DGKB: variants seen among roughly 807,000 people sequenced by gnomAD.
The protein encoded by DGKB is 90 kDa diacylglycerol kinase.
Under a neutral mutation model 114.3 loss-of-function variants are expected in DGKB, and 67 were observed. The ratio of observed to expected loss-of-function variants is 0.59; its 90% CI spans 0.48 to 0.72. DGKB has a LOEUF of 0.72. Ranked by LOEUF, DGKB falls within the 30% of genes least tolerant of loss-of-function variation. The probability of loss-of-function intolerance (pLI) is 0.00; values close to 1 mark genes in which losing one functional copy is unlikely to be tolerated. For synonymous variants in DGKB, 398 were observed against 323.1 expected (o/e 1.23, Z -2.49); for missense variants, 907 against 975.2 (o/e 0.93, Z 0.93).
intron 23 of DGKB, among the ~76,000 whole-genome samples, chr7:14,238,223 AC>A (rs1461097231): frequency 3.9e-5 from 6 of 152,010 alleles, no homozygotes; most frequent in African/African-American, 1.4e-4. Context: ...TGATTGGATC[AC>A]GGGGAGGATT....
At chr7:14,379,408 T>G (rs185087090) in intron 21 of DGKB, among the ~76,000 whole-genome samples, 122 of 151,484 alleles carry the variant, frequency 8.1e-4, no homozygotes, top group Non-Finnish European at 1.2e-3. Context: ...AGTTTTTTTT[T>G]TTTTTTTTTT....
chr7:14,187,120 T>C (rs1404528657), intron 23 of DGKB, among the ~76,000 whole-genome samples: 2 of 152,212 alleles, frequency 1.3e-5, no homozygotes, highest in Non-Finnish European at 2.9e-5. Context: ...CAAACAGTCC[T>C]ACCAATAAAT....
intron 21 of DGKB, among the ~76,000 whole-genome samples, chr7:14,415,025 G>A (rs1472886312): frequency 6.6e-6 from 1 of 151,500 alleles, no homozygotes; most frequent in African/African-American, 2.4e-5. Flanking sequence ...CCCTCCTATA[G>A]AGTCTCACCA....
intron 1 of DGKB, among the ~76,000 whole-genome samples, chr7:14,853,783 G>C (rs1265661492): frequency 6.7e-6 from 1 of 149,714 alleles, no homozygotes; most frequent in African/African-American, 2.5e-5. Flanking sequence ...CAGGAGAATG[G>C]CGTGAACCCA....
chr7:14,804,147 G>A (rs1315474577), intron 2 of DGKB, among the ~76,000 whole-genome samples: 2 of 151,256 alleles, frequency 1.3e-5, no homozygotes, highest in Non-Finnish European at 3.0e-5. Context: ...CTTTGTGACT[G>A]CATGCTTTAT....
rs184807805 is a variant in DGKB, at chr7:14,580,477, C to T, written c.1609+385G>A. ...CGTATTCACTCCTGGGAAACTAATT[C>T]ATTAGCCTTTCATCTTTCCTTTGTT... On this transcript the variant is annotated intron_variant, in intron 19 of 25. Coordinates refer to ENST00000402815, the MANE Select transcript of DGKB (RefSeq NM_001350709.2). Among the ~76,000 whole-genome samples, 559 of 152,274 alleles carry T rather than the reference C, an allele frequency of 3.7e-3. 5 individuals carry two copies. Among genetic ancestry groups the T allele is most frequent in the African/African-American group, 0.013 (527 of 41,548 alleles).
intron 1 of DGKB, among the ~76,000 whole-genome samples, chr7:14,892,385 G>A (rs1030514883): frequency 6.6e-6 from 1 of 151,174 alleles, no homozygotes; most frequent in Non-Finnish European, 1.5e-5. Flanking sequence ...ATAAATAAAG[G>A]AAAATTGCCA....
chr7:14,559,453 C>A (rs191438268), intron 20 of DGKB, among the ~76,000 whole-genome samples: 17 of 152,228 alleles, frequency 1.1e-4, no homozygotes, highest in Admixed American at 1.1e-3. Context: ...AGGTAGCTGA[C>A]CTAAAATACA....
At chr7:14,849,872 G>A (rs1849116007) in intron 1 of DGKB, among the ~76,000 whole-genome samples, 1 of 152,076 alleles carries the variant, frequency 6.6e-6, no homozygotes, top group African/African-American at 2.4e-5. Context: ...ATCTAAAGGG[G>A]AAAAATAGAC....
intron 21 of DGKB, among the ~76,000 whole-genome samples, chr7:14,359,246 G>A (rs957587166): frequency 6.6e-6 from 1 of 152,124 alleles, no homozygotes; most frequent in African/African-American, 2.4e-5. Flanking sequence ...AAACGGCGCT[G>A]GGAAAACTGG....
chr7:14,597,771 C>T (rs79309213), intron 17 of DGKB, among the ~76,000 whole-genome samples: 5,395 of 151,930 alleles, frequency 0.036, 349 homozygotes, highest in East Asian at 0.26. Flanking sequence ...TTATTTTGGT[C>T]CAGAAGGTTC....
intron 2 of DGKB, among the ~76,000 whole-genome samples, chr7:14,824,983 CAT>C (rs1845453676): frequency 7.9e-6 from 1 of 125,906 alleles, no homozygotes; most frequent in African/African-American, 2.9e-5. Flanking sequence ...ATATTTATCT[CAT>C]ATATGTGTGT....
At chr7:14,265,315 A>ATTTTTTTTTT (rs1178230744) in intron 23 of DGKB, among the ~76,000 whole-genome samples, 11 of 40,512 alleles carry the variant, frequency 2.7e-4, no homozygotes, top group African/African-American at 1.3e-3. Flanking sequence ...TTTCTCTTGC[A>ATTTTTTTTTT]TTCTTTTTTT....
intron 5 of DGKB, among the ~76,000 whole-genome samples, chr7:14,728,690 C>T (rs1329883320): frequency 1.6e-5 from 2 of 126,686 alleles, no homozygotes; most frequent in Non-Finnish European, 3.2e-5. Flanking sequence ...TCAAGCTGCA[C>T]TTTCCAGCCT....
At chr7:14,395,034 T>A (rs1186541026) in intron 21 of DGKB, among the ~76,000 whole-genome samples, 2 of 152,154 alleles carry the variant, frequency 1.3e-5, no homozygotes, top group East Asian at 1.9e-4. Context: ...AAACTTTTGC[T>A]ATTAGAGCAA....
chr7:14,418,423 A>G (rs985969504), intron 21 of DGKB, among the ~76,000 whole-genome samples: 9 of 102,414 alleles, frequency 8.8e-5, no homozygotes, highest in Admixed American at 3.3e-4. Flanking sequence ...GTGAGTATAC[A>G]TATTTCCTTT....
chr7:14,330,093 A>ATCAAT (rs1809459733), intron 23 of DGKB, among the ~76,000 whole-genome samples: 2 of 152,022 alleles, frequency 1.3e-5, no homozygotes, highest in Admixed American at 1.3e-4. Context: ...AATTGCAAAA[A>ATCAAT]TCAATAGCTA....
chr7:14,689,513 G>C (rs1254947920), intron 9 of DGKB, among the ~76,000 whole-genome samples: 2 of 152,046 alleles, frequency 1.3e-5, no homozygotes, highest in Admixed American at 6.6e-5. Context: ...TATTAGGCCT[G>C]GGCAAAGAGA....
intron 15 of DGKB, among the ~76,000 whole-genome samples, chr7:14,617,601 T>C (rs1164242712): frequency 6.6e-6 from 1 of 151,628 alleles, no homozygotes; most frequent in African/African-American, 2.4e-5. Flanking sequence ...TCTGCTTATC[T>C]TTCCCACCAA....
Sources: gnomAD v4.1 joint callset for allele counts (sites outside exome capture counted in the v4.1 genomes callset) on GRCh38, gnomAD v4.1.1 for gene constraint, MANE v1.5 for transcripts, NCBI Gene and HGNC (gene_info 2026-07-23, HGNC 2026-07-21) for gene names.